Variants in TRMT10B observed in about 807,000 individuals in gnomAD.
TRMT10B encodes the protein tRNA methyltransferase 10 homolog B.
A neutral mutation model predicts 43.8 loss-of-function variants in TRMT10B; 33 were observed. The ratio of observed to expected loss-of-function variants is 0.75; its 90% CI spans 0.57 to 1.01. The LOEUF is 1.01. Among genes scored for constraint, TRMT10B ranks in the 50% least tolerant of loss-of-function variants. The probability of loss-of-function intolerance (pLI) is 0.00; values close to 1 mark genes in which losing one functional copy is unlikely to be tolerated. For missense variants in TRMT10B, 362 were observed against 369.8 expected (o/e 0.98, Z 0.17); for synonymous variants, 137 against 130.6 (o/e 1.05, Z -0.34).
chr9:37,756,405 T>C (rs1200146658), intron 1 of TRMT10B, among the ~76,000 whole-genome samples: 1 of 133,422 alleles, frequency 7.5e-6, no homozygotes, highest in Non-Finnish European at 1.7e-5. Context: ...TAGATATCTT[T>C]TGTTTAAAAA....
intron 4 of TRMT10B, among the ~76,000 whole-genome samples, chr9:37,764,543 G>C (rs371150126): frequency 2.6e-5 from 4 of 151,684 alleles, no homozygotes; most frequent in Non-Finnish European, 5.9e-5. Context: ...GGGTGGTCTC[G>C]ATCTCCTGAC....
At chr9:37,762,870 C>T (rs1826514493) in intron 3 of TRMT10B, among the ~76,000 whole-genome samples, 185 bp downstream of exon 3, 1 of 151,404 alleles carries the variant, frequency 6.6e-6, no homozygotes, top group Non-Finnish European at 1.5e-5. Context: ...TGGTGGCTCA[C>T]ACCTGTAATC....
At position 37,763,622 on chromosome 9, in the gene TRMT10B, G is replaced by A; in HGVS notation, c.296-7G>A. The A allele has an allele frequency of 1.9e-6, 3 of 1,612,184 alleles. No homozygotes were observed. The highest frequency in any genetic ancestry group is 1.1e-5 in the South Asian group (1 of 90,762). ...ACTTTTATTTCTTTCTGATATTTCT[G>A]CTTTAGGCATTTGCCCCCAGCACAG... On this transcript the variant is annotated splice_region_variant and splice_polypyrimidine_tract_variant and intron_variant, in intron 3 of 8. Transcript: ENST00000297994.
At chr9:37,756,082 C>T (rs1039495242) in intron 1 of TRMT10B, among the ~76,000 whole-genome samples, 4 of 152,178 alleles carry the variant, frequency 2.6e-5, no homozygotes, top group African/African-American at 4.8e-5. Flanking sequence ...CCCAGTCATT[C>T]CCCAACAGGC....
chr9:37,760,198 C>T (rs894551925), intron 1 of TRMT10B, among the ~76,000 whole-genome samples: 8 of 152,224 alleles, frequency 5.3e-5, no homozygotes, highest in Non-Finnish European at 7.3e-5. Flanking sequence ...TGGCTGGCGC[C>T]TGTAATCCCA....
chr9:37,776,698 G>A (rs1298701893), intron 8 of TRMT10B, among the ~76,000 whole-genome samples: 2 of 152,010 alleles, frequency 1.3e-5, no homozygotes, highest in Admixed American at 1.3e-4. Flanking sequence ...TTAGGAGTTC[G>A]AAACCAGCCT....
At chr9:37,777,113 G>GA (rs1290613108) in intron 8 of TRMT10B, among the ~76,000 whole-genome samples, 2 of 130,176 alleles carry the variant, frequency 1.5e-5, no homozygotes, top group East Asian at 5.1e-4. Context: ...AGAATTGCTT[G>GA]AATCTGGGAG....
chr9:37,762,442 G>GT, intron 2 of TRMT10B, 135 bp from the exon 3 acceptor site: 1 of 1,314,094 alleles, frequency 7.6e-7, no homozygotes, highest in Non-Finnish European at 1.0e-6. Flanking sequence ...GTCTAGGTTT[G>GT]TTTTTAAGAG....
chr9:37,776,383 A>G lies in TRMT10B; in HGVS notation c.822A>G (p.Ser274=). 1.9e-6 allele frequency: 3 copies of G among 1,611,302 alleles called. No homozygotes were observed. The South Asian group carries it at 3.3e-5, about 18-fold the overall frequency. The change falls in exon 8 of 9, where the codon TCA becomes TCG. Residue 274 remains serine, a synonymous_variant. Transcript: ENST00000297994. ...VRNQNGKNYH[S]EILAINQVFD... is the part of the protein sequence containing the mutation. ...ACCAGAATGGGAAAAACTATCATTC[A>G]GAGATACTGGCCATCAATCAAGGTA...
At position 37,754,595 on chromosome 9, in the gene TRMT10B, A is replaced by T. The variant is rs116781210; in HGVS notation, c.-30+743A>T. ...GAGGGTGTACAGGTGAATTCTTCCAATTCTTCCCTGGGTTTATAATCTAGT... is the reference window on the plus strand; with the variant it reads ...GAGGGTGTACAGGTGAATTCTTCCATTTCTTCCCTGGGTTTATAATCTAGT... On this transcript the variant is annotated intron_variant, in intron 1 of 8. Transcript: ENST00000297994. 3.7e-3 allele frequency among the ~76,000 whole-genome samples: 560 copies of T among 152,116 alleles called. 5 individuals are homozygous for T. Among genetic ancestry groups the T allele is most frequent in the African/African-American group, 0.013 (542 of 41,470 alleles).
Position 37,763,705 on chromosome 9 carries a change from A to AC in TRMT10B, c.374dup (p.Arg126LysfsTer19). On this transcript the variant is annotated frameshift_variant, in exon 4 of 9. Coordinates refer to ENST00000297994, the MANE Select transcript of TRMT10B (RefSeq NM_144964.4). LOFTEE classifies it high-confidence loss of function. ...AACTTTTGGAAGCCAAACACTCAGG[A>AC]CCAAGACTATGTATCGATTTGAGTA... 2 of 1,614,186 alleles carry AC rather than the reference A, an allele frequency of 1.2e-6. No homozygotes were observed. The highest frequency in any genetic ancestry group is 1.3e-5 in the African/African-American group (1 of 75,050).
At chr9:37,767,522 A>C (rs1827115337) in intron 4 of TRMT10B, 1 of 148,240 alleles carries the variant, frequency 6.7e-6, no homozygotes, top group Non-Finnish European at 1.5e-5. Flanking sequence ...CCAAAAAAAA[A>C]AAAAAAAAAA....
chr9:37,772,195 TAG>T (rs1365306584), intron 7 of TRMT10B, among the ~76,000 whole-genome samples: 5 of 152,156 alleles, frequency 3.3e-5, no homozygotes, highest in African/African-American at 9.7e-5. Context: ...TATTTTTTTG[TAG>T]AGACAGGTTC....
At chr9:37,777,550 GTTCT>G in intron 8 of TRMT10B, 47 bp from the exon 9 acceptor site, 1 of 1,414,654 alleles carries the variant, frequency 7.1e-7, no homozygotes, top group Non-Finnish European at 1.0e-6. Context: ...TCATTTACTC[GTTCT>G]TTTTTTCCCT....
At chr9:37,759,775 C>T (rs755569300) in intron 1 of TRMT10B, among the ~76,000 whole-genome samples, 7 of 152,162 alleles carry the variant, frequency 4.6e-5, no homozygotes, top group Admixed American at 2.6e-4. Context: ...CAAGATTATG[C>T]CACTGCATTC....
At position 37,776,376 on chromosome 9, in the gene TRMT10B, A is replaced by G. The variant is rs547091943; in HGVS notation, c.815A>G (p.Tyr272Cys). ...YMVRNQNGKN[Y>C]HSEILAINQV... ...GTCAGAAACCAGAATGGGAAAAACTATCATTCAGAGATACTGGCCATCAAT... is the reference window on the plus strand; with the variant it reads ...GTCAGAAACCAGAATGGGAAAAACTGTCATTCAGAGATACTGGCCATCAAT... The change falls in exon 8 of 9, where the codon TAT (tyrosine) becomes TGT (cysteine). Residue 272 changes from tyrosine (Y) to cysteine (C), a missense_variant. Coordinates refer to ENST00000297994, the MANE Select transcript of TRMT10B (RefSeq NM_144964.4). The G allele has an allele frequency of 1.6e-5, 25 of 1,612,182 alleles. No homozygotes were observed. The South Asian group carries it at 2.1e-4, about 14-fold the overall frequency.
intron 3 of TRMT10B, 53 bp downstream of exon 3, chr9:37,762,738 G>C (rs1048417393): frequency 3.2e-5 from 48 of 1,520,732 alleles, no homozygotes; most frequent in Non-Finnish European, 4.2e-5. Flanking sequence ...TAGCAAACGT[G>C]TCTGCATGTT....
intron 4 of TRMT10B, among the ~76,000 whole-genome samples, chr9:37,765,714 G>A (rs1826916751): frequency 6.6e-6 from 1 of 152,200 alleles, no homozygotes; most frequent in African/African-American, 2.4e-5. Context: ...CAGTGTAAAA[G>A]TGTTCCTATT....
chr9:37,762,241 T>A, intron 2 of TRMT10B, 124 bp downstream of exon 2: 1 of 1,152,746 alleles, frequency 8.7e-7, no homozygotes, highest in East Asian at 2.6e-5. Flanking sequence ...TTCTGAGTGA[T>A]GAATTTTCTG....
Sources: allele counts gnomAD v4.1 joint callset (sites outside exome capture counted in the v4.1 genomes callset), GRCh38; gene constraint gnomAD v4.1.1; transcripts MANE v1.5; gene names NCBI Gene and HGNC (gene_info 2026-07-23, HGNC 2026-07-21).